The following KIR3DL2 variants were observed in gnomAD, a reference collection of about 807,000 sequenced individuals.
KIR3DL2 encodes killer cell immunoglobulin like receptor, three Ig domains and long cytoplasmic tail 2.
KIR3DL2 carries 42 observed loss-of-function variants against 41.6 expected under a neutral mutation model. The ratio of observed to expected loss-of-function variants is 1.01; its 90% CI spans 0.79 to 1.31. The LOEUF is 1.31. Among genes scored for constraint, KIR3DL2 ranks in the 50% most tolerant of loss-of-function variants. KIR3DL2 has a pLI of 0.00. For missense variants in KIR3DL2, 728 were observed against 576.8 expected, an observed-to-expected ratio of 1.26 and a Z score of -2.68; for synonymous variants, 230 against 221.3, an observed-to-expected ratio of 1.04 and a Z score of -0.35.
chr19:54,851,138 C>T (rs1401309962), intron 1 of KIR3DL2, 82 bp from the exon 2 acceptor site: 117 of 1,557,384 alleles, frequency 7.5e-5, no homozygotes, highest in Middle Eastern at 3.4e-4. Context: ...GGCCTGGCTG[C>T]CAAGACACAC....
chr19:54,866,423 G>C lies in KIR3DL2; in HGVS notation c.1158+1G>C, dbSNP rs1313170689. 5 of 1,613,856 alleles carry C rather than the reference G, an allele frequency of 3.1e-6. No homozygotes were observed. Among genetic ancestry groups the C allele is most frequent in the African/African-American group, 1.3e-5 (1 of 74,902 alleles). On this transcript the variant is annotated splice_donor_variant, in intron 8 of 8. Transcript: ENST00000326321. LOFTEE classifies it high-confidence loss of function. ...GGGGGACAGAACAGTGAATAGGCAGGTAGGTCCTCCTCGGCCCAGCCTCAC... is the reference window on the plus strand; with the variant it reads ...GGGGGACAGAACAGTGAATAGGCAGCTAGGTCCTCCTCGGCCCAGCCTCAC...
intron 6 of KIR3DL2, among the ~76,000 whole-genome samples, chr19:54,863,945 G>C (rs1269270328): frequency 6.6e-6 from 1 of 152,078 alleles, no homozygotes; most frequent in Non-Finnish European, 1.5e-5. Flanking sequence ...CCTATGTCCT[G>C]AATGGTAATG....
At chr19:54,857,960 G>A (rs1292428991) in intron 5 of KIR3DL2, among the ~76,000 whole-genome samples, 1 of 151,608 alleles carries the variant, frequency 6.6e-6, no homozygotes. Context: ...TGTTTTGTTT[G>A]TGGAGAAATG....
At chr19:54,856,533 A>G (rs1168024410) in intron 5 of KIR3DL2, among the ~76,000 whole-genome samples, 1 of 151,540 alleles carries the variant, frequency 6.6e-6, no homozygotes, top group Admixed American at 6.6e-5. Flanking sequence ...AGACAAGAAA[A>G]ATTAGCCAAG....
chr19:54,863,700 A>G (rs113321901), intron 6 of KIR3DL2, among the ~76,000 whole-genome samples: 6,182 of 150,970 alleles, frequency 0.041, 163 homozygotes, highest in East Asian at 0.09. Flanking sequence ...TTTTGATAGG[A>G]TTGTTTGTTT....
chr19:54,861,383 A>C (rs1407994916), intron 6 of KIR3DL2, among the ~76,000 whole-genome samples: 2 of 152,158 alleles, frequency 1.3e-5, no homozygotes, highest in Non-Finnish European at 2.9e-5. Context: ...ACGGTGGCTC[A>C]CGCCTGTAAC....
At chr19:54,852,381 C>G in intron 3 of KIR3DL2, 99 bp downstream of exon 3, 5 of 1,499,964 alleles carry the variant, frequency 3.3e-6, no homozygotes, top group Non-Finnish European at 4.5e-6. Context: ...CAGGCCCCAA[C>G]TGTATTTGGG....
chr19:54,859,842 T>G lies in KIR3DL2; in HGVS notation c.1000+713T>G, dbSNP rs2065049271. ...CAGGCAAGAATCTGCTTCTCACTTT[T>G]CTCAGCTTCTAGAGGCTCCCATGTT... On this transcript the variant is annotated intron_variant, in intron 6 of 8. Coordinates refer to ENST00000326321, the MANE Select transcript of KIR3DL2 (RefSeq NM_006737.4). 3.3e-5 allele frequency among the ~76,000 whole-genome samples: 5 copies of G among 152,090 alleles called. No homozygotes were observed. In the South Asian group the frequency reaches 1.0e-3, roughly 31 times the overall value.
chr19:54,862,153 CAT>C (rs980819121), intron 6 of KIR3DL2, among the ~76,000 whole-genome samples: 3 of 152,126 alleles, frequency 2.0e-5, no homozygotes, highest in African/African-American at 7.2e-5. Context: ...AGCAGCCTAA[CAT>C]GTGTCTCGCG....
intron 3 of KIR3DL2, among the ~76,000 whole-genome samples, 173 bp downstream of exon 3, chr19:54,852,455 A>G (rs1455207052): frequency 6.6e-6 from 1 of 151,432 alleles, no homozygotes. Context: ...GTCGCCAATG[A>G]TGGCTACATT....
At chr19:54,851,486 G>A (rs1402817415) in intron 2 of KIR3DL2, among the ~76,000 whole-genome samples, 6 of 151,374 alleles carry the variant, frequency 4.0e-5, no homozygotes, top group African/African-American at 1.5e-4. Flanking sequence ...TGTGCAGGGA[G>A]GAAGTGGTGT....
intron 7 of KIR3DL2, 99 bp from the exon 8 acceptor site, chr19:54,866,271 C>T: frequency 8.2e-7 from 1 of 1,218,898 alleles, no homozygotes; most frequent in Non-Finnish European, 1.2e-6. Flanking sequence ...TGAAGAGCCT[C>T]AGGCACCTAC....
At chr19:54,856,434 G>A (rs1260485240) in intron 5 of KIR3DL2, among the ~76,000 whole-genome samples, 5 of 151,636 alleles carry the variant, frequency 3.3e-5, no homozygotes, top group East Asian at 1.9e-4. Context: ...TAATCTTGGC[G>A]CTTTGAGAGG....
intron 6 of KIR3DL2, among the ~76,000 whole-genome samples, chr19:54,861,141 G>A (rs2065147138): frequency 6.6e-6 from 1 of 151,218 alleles, no homozygotes; most frequent in African/African-American, 2.4e-5. Flanking sequence ...TGCTGATTTA[G>A]ACACTAAATG....
chr19:54,864,205 C>T (rs1353637635), intron 6 of KIR3DL2, among the ~76,000 whole-genome samples: 1 of 151,996 alleles, frequency 6.6e-6, no homozygotes, highest in Non-Finnish European at 1.5e-5. Context: ...TATTCTGTTC[C>T]ATTGATCTAT....
At chr19:54,866,315 A>T in intron 7 of KIR3DL2, 55 bp from the exon 8 acceptor site, 1 of 1,595,868 alleles carries the variant, frequency 6.3e-7, no homozygotes. Context: ...CTGCCCATGA[A>T]ATGAGGACCC....
chr19:54,852,262 C>T lies in KIR3DL2; in HGVS notation c.335C>T (p.Pro112Leu). The change falls in exon 3 of 9, where the codon CCC becomes CTC. Residue 112 changes from proline (P) to leucine (L), a missense_variant. Pro to Leu is a moderately conservative substitution (Grantham distance 98). Coordinates refer to ENST00000326321, the MANE Select transcript of KIR3DL2 (RefSeq NM_006737.4). ...SLTGWSAPSN[P>L]LVIMVTGNHR... ...ACTGGGTGGTCGGCACCCAGCAACC[C>T]CCTGGTGATCATGGTCACAGGTCAG... 1 of 1,608,938 alleles carries T rather than the reference C, an allele frequency of 6.2e-7. No homozygotes were observed. Among genetic ancestry groups the T allele is most frequent in the Non-Finnish European group, 8.5e-7 (1 of 1,177,528 alleles).
chr19:54,862,531 G>A (rs1159618535), intron 6 of KIR3DL2, among the ~76,000 whole-genome samples: 4 of 152,026 alleles, frequency 2.6e-5, no homozygotes, highest in Admixed American at 6.5e-5. Flanking sequence ...ATTTCAACGT[G>A]AGCCAGTCCC....
At chr19:54,858,185 T>A (rs2064931337) in intron 5 of KIR3DL2, among the ~76,000 whole-genome samples, 1 of 150,894 alleles carries the variant, frequency 6.6e-6, no homozygotes, top group South Asian at 2.1e-4. Flanking sequence ...TTGCTTTGAT[T>A]ACTTGTGTTT....
Sources: allele counts gnomAD v4.1 joint callset (sites outside exome capture counted in the v4.1 genomes callset), GRCh38; gene constraint gnomAD v4.1.1; transcripts MANE v1.5; gene names NCBI Gene and HGNC (gene_info 2026-07-23, HGNC 2026-07-21).